Variants in PPFIA2 observed in about 807,000 individuals in gnomAD.
PPFIA2 encodes PPFI scaffold protein A2, also known as liprin-alpha-2.
Under a neutral mutation model 175.5 loss-of-function variants are expected in PPFIA2, and 46 were observed. The observed-to-expected ratio is 0.26, with a 90% CI of 0.21 to 0.34. The LOEUF is 0.34. PPFIA2 is among the 10% of genes least tolerant of loss of function. The probability of loss-of-function intolerance (pLI) is 1.00; values close to 1 mark genes in which losing one functional copy is unlikely to be tolerated. For missense variants in PPFIA2, 1,179 were observed against 1,506.1 expected, an observed-to-expected ratio of 0.78 and a Z score of 3.60; for synonymous variants, 568 against 511.4, an observed-to-expected ratio of 1.11 and a Z score of -1.49.
At chr12:81,758,687 G>T (rs1022651668) in intron 1 of PPFIA2, 180 bp from the exon 2 acceptor site, 3 of 331,840 alleles carry the variant, frequency 9.0e-6, no homozygotes, top group African/African-American at 6.5e-5. Context: ...GGGAAGCAAA[G>T]CTCGGTTCAG....
intron 4 of PPFIA2, chr12:81,676,517 A>G (rs754903928): frequency 2.7e-5 from 6 of 224,800 alleles, no homozygotes; most frequent in Non-Finnish European, 5.2e-5. Flanking sequence ...CAGTTAGTAG[A>G]ACATAAATTA....
At position 81,266,982 on chromosome 12, in the gene PPFIA2, C is replaced by T. The variant is rs1466869585; in HGVS notation, c.3525G>A (p.Leu1175=). 6.2e-7 allele frequency: 1 copy of T among 1,613,158 alleles called. No individual in the cohort carries two copies. ...QILEREYNNL[L]ALGTERRLDE... ...CCAGTCGCCTTTCAGTTCCCAGGGC[C>T]AAGAGGTTATTGTATTCTCTTTCAA... The change falls in exon 30 of 33, where the codon TTG becomes TTA. Residue 1175 remains leucine, a synonymous_variant. Coordinates refer to ENST00000549396, the MANE Select transcript of PPFIA2 (RefSeq NM_003625.5).
intron 17 of PPFIA2, among the ~76,000 whole-genome samples, chr12:81,349,449 C>T (rs1011241723): frequency 4.6e-5 from 7 of 152,086 alleles, no homozygotes; most frequent in Admixed American, 4.6e-4. Flanking sequence ...TTCATGAATG[C>T]ATTTTTTAAC....
intron 17 of PPFIA2, 143 bp downstream of exon 17, chr12:81,352,976 A>G: frequency 1.5e-6 from 1 of 656,038 alleles, no homozygotes; most frequent in Non-Finnish European, 2.6e-6. Flanking sequence ...ATTCTGATTC[A>G]GTGTGTACGG....
intron 4 of PPFIA2, among the ~76,000 whole-genome samples, chr12:81,595,878 A>G (rs1390799706): frequency 6.6e-6 from 1 of 152,170 alleles, no homozygotes; most frequent in Non-Finnish European, 1.5e-5. Flanking sequence ...GCTCTCTTAA[A>G]TATATTTGCA....
chr12:81,673,750 GA>G (rs1484169531), intron 4 of PPFIA2, among the ~76,000 whole-genome samples: 5 of 151,786 alleles, frequency 3.3e-5, no homozygotes, highest in African/African-American at 1.2e-4. Flanking sequence ...ATGTGATTTG[GA>G]AAAATCTGCA....
intron 4 of PPFIA2, among the ~76,000 whole-genome samples, chr12:81,522,533 T>C (rs1330594356): frequency 6.6e-6 from 1 of 152,226 alleles, no homozygotes; most frequent in Non-Finnish European, 1.5e-5. Flanking sequence ...AATTTCTGAA[T>C]GAGAAATTAC....
At chr12:81,540,732 T>A (rs1161440696) in intron 4 of PPFIA2, among the ~76,000 whole-genome samples, 1 of 152,064 alleles carries the variant, frequency 6.6e-6, no homozygotes, top group Non-Finnish European at 1.5e-5. Flanking sequence ...TAATTAAGTA[T>A]CTATACTCAA....
intron 5 of PPFIA2, among the ~76,000 whole-genome samples, chr12:81,449,506 A>C (rs1008627559): frequency 6.6e-6 from 1 of 152,022 alleles, no homozygotes; most frequent in South Asian, 2.1e-4. Flanking sequence ...AAAAAACAAA[A>C]AAAAATCTGA....
At chr12:81,274,783 T>A (rs1438134532) in intron 28 of PPFIA2, among the ~76,000 whole-genome samples, 1 of 152,196 alleles carries the variant, frequency 6.6e-6, no homozygotes, top group East Asian at 1.9e-4. Flanking sequence ...TGAGAATTAT[T>A]CCTGTAAATG....
chr12:81,372,384 T>C (rs997372415), intron 11 of PPFIA2, among the ~76,000 whole-genome samples: 1 of 151,104 alleles, frequency 6.6e-6, no homozygotes, highest in African/African-American at 2.4e-5. Context: ...TCATTCAAAA[T>C]ATAGGAGGAG....
chr12:81,633,299 A>T (rs2063606228), intron 4 of PPFIA2, among the ~76,000 whole-genome samples: 1 of 152,120 alleles, frequency 6.6e-6, no homozygotes, highest in African/African-American at 2.4e-5. Flanking sequence ...AGAGAGGCTT[A>T]GGGATGACTA....
At chr12:81,664,628 G>A (rs2069721836) in intron 4 of PPFIA2, among the ~76,000 whole-genome samples, 4 of 152,074 alleles carry the variant, frequency 2.6e-5, no homozygotes, top group African/African-American at 9.7e-5. Flanking sequence ...AGTCACTGTG[G>A]CGATTCCTCA....
intron 4 of PPFIA2, among the ~76,000 whole-genome samples, chr12:81,527,562 A>C (rs2063877474): frequency 6.6e-6 from 1 of 151,988 alleles, no homozygotes; most frequent in African/African-American, 2.4e-5. Flanking sequence ...TTTATGTCCA[A>C]ATGGAACCTT....
intron 4 of PPFIA2, among the ~76,000 whole-genome samples, chr12:81,635,855 T>A (rs1238535314): frequency 2.0e-5 from 3 of 152,128 alleles, no homozygotes; most frequent in Non-Finnish European, 4.4e-5. Context: ...AGTCACACTT[T>A]AAGAAGAACA....
At chr12:81,571,911 T>A (rs1161029950) in intron 4 of PPFIA2, among the ~76,000 whole-genome samples, 1 of 152,102 alleles carries the variant, frequency 6.6e-6, no homozygotes, top group East Asian at 1.9e-4. Context: ...TTCTTTCATA[T>A]ACTGAAGTGG....
intron 4 of PPFIA2, among the ~76,000 whole-genome samples, chr12:81,620,665 G>A (rs1332489952): frequency 1.3e-5 from 2 of 152,200 alleles, no homozygotes; most frequent in Non-Finnish European, 2.9e-5. Context: ...ACACATTGGG[G>A]AAGAAATGCA....
intron 4 of PPFIA2, among the ~76,000 whole-genome samples, chr12:81,559,409 T>C (rs1183151660): frequency 6.6e-6 from 1 of 152,226 alleles, no homozygotes; most frequent in Admixed American, 6.5e-5. Context: ...TTGTTGTGTG[T>C]TATGGGTCCT....
intron 4 of PPFIA2, among the ~76,000 whole-genome samples, chr12:81,587,477 TG>T (rs1419962308): frequency 1.2e-4 from 19 of 152,024 alleles, no homozygotes; most frequent in Non-Finnish European, 2.9e-5. Context: ...TACCCAGTCT[TG>T]GGTAGTATTC....
Sources: gnomAD v4.1 joint callset for allele counts (sites outside exome capture counted in the v4.1 genomes callset) on GRCh38, gnomAD v4.1.1 for gene constraint, MANE v1.5 for transcripts, NCBI Gene and HGNC (gene_info 2026-07-23, HGNC 2026-07-21) for gene names.